The following SGSH variants were observed in gnomAD, a reference collection of about 807,000 sequenced individuals.
SGSH encodes the protein heparan sulfate sulfatase.
Under a neutral mutation model 51.0 loss-of-function variants are expected in SGSH, and 48 were observed. That is an observed-to-expected ratio of 0.94 (90% CI 0.75 to 1.20). SGSH has a LOEUF of 1.20. Among genes scored for constraint, SGSH ranks in the 50% most tolerant of loss-of-function variants. The pLI is 0.00. For missense variants in SGSH, 662 were observed against 717.8 expected (o/e 0.92, Z 0.89); for synonymous variants, 321 against 313.4 (o/e 1.02, Z -0.26).
chr17:80,205,956 G>A (rs992398894), downstream of SGSH: 25 of 241,538 alleles, frequency 1.0e-4, no homozygotes, highest in Non-Finnish European at 4.8e-5. Context: ...GTTTGAAGGC[G>A]CAAACGCGTG....
chr17:80,211,697 C>G (rs2041672530), intron 7 of SGSH: 2 of 360,408 alleles, frequency 5.5e-6, no homozygotes, highest in African/African-American at 2.1e-5. Flanking sequence ...ACTTGTCAGA[C>G]ATGCAAATTC....
downstream of SGSH, among the ~76,000 whole-genome samples, chr17:80,206,515 C>T (rs1162959092): frequency 6.6e-6 from 1 of 152,232 alleles, no homozygotes; most frequent in Non-Finnish European, 1.5e-5. Context: ...CCTCTAATCC[C>T]AGCACTTTGG....
the SGSH span, chr17:80,201,498 C>T: frequency 1.8e-4 from 95 of 527,968 alleles, no homozygotes; most frequent in Admixed American, 1.8e-3. This position sits in a 1 kb window ranked among gnomAD's most constrained non-coding sequence, Gnocchi z 5.0. Flanking sequence ...AAAGAACCCC[C>T]GATCTCGACT....
At chr17:80,214,840 G>C (rs930847306) in intron 3 of SGSH, 75 bp from the exon 4 acceptor site, 2 of 1,544,928 alleles carry the variant, frequency 1.3e-6, no homozygotes, top group East Asian at 2.3e-5. Context: ...TGCCCCTCTC[G>C]GCCCTAAGCG....
At chr17:80,201,427 T>C in the SGSH span, 1 of 348,144 alleles carries the variant, frequency 2.9e-6, no homozygotes, top group Admixed American at 4.6e-5. This position sits in a 1 kb window ranked among gnomAD's most constrained non-coding sequence, Gnocchi z 5.0. Context: ...TTGAATGTTC[T>C]AGAACCGAGG....
In SGSH at chr17:80,213,838, G is replaced by T; in HGVS notation, c.711C>A (p.Ala237=). 1.2e-6 allele frequency: 2 copies of T among 1,608,472 alleles called. No individual in the cohort carries two copies. The highest frequency in any genetic ancestry group is 1.7e-6 in the Non-Finnish European group (2 of 1,179,218). Residue 237 remains alanine, a synonymous_variant, in exon 6 of 8, where the codon GCC becomes GCA. Coordinates refer to ENST00000326317, the MANE Select transcript of SGSH (RefSeq NM_000199.5). This position sits in a 1 kb window ranked among gnomAD's most constrained non-coding sequence, Gnocchi z 4.6. ...PNTPAARADL[A]AQYTTVGRMD... is the part of the protein sequence containing the mutation. ...TGCGGCCGACGGTGGTGTACTGAGC[G>T]GCCAGGTCGGCTCGGGCTGCCGGGG...
intron 4 of SGSH, 75 bp downstream of exon 4, chr17:80,214,540 C>A: frequency 6.7e-7 from 1 of 1,498,250 alleles, no homozygotes. Flanking sequence ...GGGGCCCATG[C>A]ATCCCGCCGG....
chr17:80,208,691 C>T (rs2041490877), downstream of SGSH: 2 of 236,512 alleles, frequency 8.5e-6, no homozygotes, highest in Non-Finnish European at 1.6e-5. Context: ...AACCGCCTGT[C>T]TGCAGGCCCG....
Position 80,214,006 on chromosome 17 carries a change from C to T in SGSH, c.664-121G>A, listed in dbSNP as rs536492725. The stretch of plus-strand genomic sequence containing the variant: ...AGAACAGCCTCACTCCGGACCACCC[C>T]GTCTCTCTACGGTTCTCTCTGTGGC... On this transcript the variant is annotated intron_variant, in intron 5 of 7. Transcript: ENST00000326317. 7.6e-5 allele frequency: 99 copies of T among 1,304,466 alleles called. No individual in the cohort carries two copies. In the Middle Eastern group the frequency reaches 9.0e-4, roughly 12 times the overall value. The allele number at this position is 1,304,466 out of a possible 1,614,324, so 80.8% of individuals were successfully genotyped here.
downstream of SGSH, chr17:80,204,172 T>C: frequency 6.6e-7 from 1 of 1,506,482 alleles, no homozygotes; most frequent in Non-Finnish European, 9.0e-7. Flanking sequence ...TGAATTCCCA[T>C]TCCTGTTGAT....
chr17:80,203,985 C>T, downstream of SGSH: 2 of 1,023,974 alleles, frequency 2.0e-6, no homozygotes, highest in Non-Finnish European at 2.9e-6. This position sits in a 1 kb window ranked among gnomAD's most constrained non-coding sequence, Gnocchi z 4.6. Flanking sequence ...GAGTGGGCTG[C>T]TGATTGGAGG....
At chr17:80,205,063 C>A, downstream of SGSH, 1 of 1,607,140 alleles carries the variant, frequency 6.2e-7, no homozygotes, top group Admixed American at 1.7e-5. Flanking sequence ...GGGCCGAGAG[C>A]TGCCTCACCC....
intron 1 of SGSH, chr17:80,219,996 T>G: frequency 4.3e-6 from 2 of 464,532 alleles, no homozygotes; most frequent in Non-Finnish European, 7.6e-6. Context: ...GAGGTAAGTG[T>G]AGGGGTGCTG....
At chr17:80,208,501 C>T (rs769538222), downstream of SGSH, 5 of 627,620 alleles carry the variant, frequency 8.0e-6, no homozygotes, top group Middle Eastern at 4.2e-4. Flanking sequence ...ACCCTCACCA[C>T]GTGCAGGTCA....
downstream of SGSH, chr17:80,208,111 C>T (rs771489106): frequency 4.2e-5 from 62 of 1,482,580 alleles, no homozygotes; most frequent in Admixed American, 1.0e-3. Flanking sequence ...CCCCTGAGCC[C>T]GCCCCCCCCA....
In SGSH at chr17:80,212,034, C is replaced by T. The variant is rs778945852; in HGVS notation, c.949+37G>A. ...GTCATGGCCCCGTCCCAGATCCACT[C>T]CCACACCTTTCCTGACGGAGACAGA... On this transcript the variant is annotated intron_variant, in intron 7 of 7. Coordinates refer to ENST00000326317, the MANE Select transcript of SGSH (RefSeq NM_000199.5). The surrounding 1 kb of genome is among the most constrained non-coding windows in gnomAD (Gnocchi z 5.9). 25 of 1,581,258 alleles carry T rather than the reference C, an allele frequency of 1.6e-5. 1 individual carries two copies. The South Asian group carries it at 2.8e-4, about 18-fold the overall frequency.
In SGSH at chr17:80,213,650, C is replaced by A; in HGVS notation, c.745+154G>T. The A allele has an allele frequency of 1.4e-6, 1 of 720,870 alleles. No homozygotes were observed. Among genetic ancestry groups the A allele is most frequent in the Non-Finnish European group, 2.4e-6 (1 of 424,084 alleles). 44.7% of individuals were successfully genotyped at this position (720,870 alleles called of 1,614,324 possible). A position where few individuals can be genotyped will look rare whatever the true frequency, so the allele number is the denominator to read the frequency against. ...GTTGGGTCCTGATGCCACCCACAGG[C>A]CCCTCCTCTCAATGTGGGCTCTGCC... On this transcript the variant is annotated intron_variant, in intron 6 of 7. Transcript: ENST00000326317. This position sits in a 1 kb window ranked among gnomAD's most constrained non-coding sequence, Gnocchi z 4.6.
downstream of SGSH, chr17:80,203,747 C>A: frequency 8.5e-7 from 1 of 1,170,572 alleles, no homozygotes; most frequent in Non-Finnish European, 1.2e-6. This position sits in a 1 kb window ranked among gnomAD's most constrained non-coding sequence, Gnocchi z 4.6. Context: ...CCCCCACTCT[C>A]CCCTGCTCGG....
Position 80,215,254 on chromosome 17 carries a change from C to T in SGSH, c.250-116G>A, listed in dbSNP as rs553744647. 1.8e-3 allele frequency: 1,375 copies of T among 748,262 alleles called. 3 individuals carry two copies. The highest frequency in any genetic ancestry group is 2.8e-3 in the Non-Finnish European group (1,221 of 429,026). 46.4% of individuals were successfully genotyped at this position (748,262 alleles called of 1,614,324 possible). A position where few individuals can be genotyped will look rare whatever the true frequency, so the allele number is the denominator to read the frequency against. On this transcript the variant is annotated intron_variant, in intron 2 of 7. Coordinates refer to ENST00000326317, the MANE Select transcript of SGSH (RefSeq NM_000199.5). Reference sequence around the variant, plus strand: ...GGCCTTCTCGGGGCCCTGATTTAGACTTCGAGTGGCCAGCACCCAGAGACA... The same window carrying T: ...GGCCTTCTCGGGGCCCTGATTTAGATTTCGAGTGGCCAGCACCCAGAGACA...
Sources: gnomAD v4.1 joint callset for allele counts (sites outside exome capture counted in the v4.1 genomes callset) on GRCh38, gnomAD v4.1.1 for gene constraint, Gnocchi (gnomAD v3.1) non-coding constraint, MANE v1.5 for transcripts, NCBI Gene and HGNC (gene_info 2026-07-23, HGNC 2026-07-21) for gene names.